Variants in IFRD1 observed in about 807,000 individuals in gnomAD.
IFRD1 encodes interferon related developmental regulator 1, also known as interferon-related developmental regulator 1.
Under a neutral mutation model 52.9 loss-of-function variants are expected in IFRD1, and 35 were observed. That is an observed-to-expected ratio of 0.66 (90% CI 0.51 to 0.88). The LOEUF (loss-of-function observed/expected upper bound fraction) is 0.88, where lower values mean the gene tolerates loss of function less well. IFRD1 is among the 40% of genes least tolerant of loss of function. The pLI is 0.00. For synonymous variants in IFRD1, 184 were observed against 188.4 expected (o/e 0.98, Z 0.19); for missense variants, 517 against 550.8 (o/e 0.94, Z 0.61).
chr7:112,451,134 C>A (rs1795152094), intron 1 of IFRD1: 1 of 245,038 alleles, frequency 4.1e-6, no homozygotes, highest in African/African-American at 2.3e-5. Flanking sequence ...TCTCCCCGAC[C>A]ACGGGTGGGG....
At chr7:112,459,286 T>G (rs932332576) in intron 5 of IFRD1, among the ~76,000 whole-genome samples, 4 of 152,230 alleles carry the variant, frequency 2.6e-5, no homozygotes, top group Non-Finnish European at 2.9e-5. Flanking sequence ...AAATTCTGAT[T>G]TGTGAAAGTC....
intron 1 of IFRD1, 133 bp downstream of exon 1, chr7:112,450,915 A>C: frequency 1.4e-6 from 1 of 716,296 alleles, no homozygotes; most frequent in Admixed American, 2.1e-5. Context: ...TGGTTTGGCT[A>C]CTGAACTACA....
upstream of IFRD1, among the ~76,000 whole-genome samples, chr7:112,449,269 G>C (rs1322754242): frequency 6.6e-6 from 1 of 152,138 alleles, no homozygotes; most frequent in Non-Finnish European, 1.5e-5. Flanking sequence ...CGGGTGGGGA[G>C]GGGGTGGTGC....
chr7:112,462,235 T>A lies in IFRD1; in HGVS notation c.798-35T>A, dbSNP rs761306523. 5 of 1,609,176 alleles carry A rather than the reference T, an allele frequency of 3.1e-6. No homozygotes were observed. The South Asian group carries it at 5.5e-5, about 18-fold the overall frequency. On this transcript the variant is annotated intron_variant, in intron 7 of 11. Coordinates refer to ENST00000403825, the MANE Select transcript of IFRD1 (RefSeq NM_001550.4). ...AGCAACATTTAGTGGACATAATTGG[T>A]TGTATTCACATAGTAATGACTAACT...
At chr7:112,428,638 A>T (rs931657244) in intron 1 of IFRD1, among the ~76,000 whole-genome samples, 1 of 152,176 alleles carries the variant, frequency 6.6e-6, no homozygotes, top group African/African-American at 2.4e-5. Flanking sequence ...TCATCTGCTT[A>T]TGAGGTGGCT....
intron 1 of IFRD1, chr7:112,452,019 A>G: frequency 3.1e-6 from 3 of 983,218 alleles, no homozygotes; most frequent in Non-Finnish European, 3.6e-6. Context: ...AGGGATTCTT[A>G]AAACAGCAAT....
intron 11 of IFRD1, 80 bp downstream of exon 11, chr7:112,472,941 C>G: frequency 1.1e-6 from 1 of 924,996 alleles, no homozygotes. Flanking sequence ...TTAGCTGTGT[C>G]TACCTATATG....
chr7:112,459,752 C>G (rs918445636), intron 5 of IFRD1, among the ~76,000 whole-genome samples: 3 of 152,138 alleles, frequency 2.0e-5, no homozygotes, highest in Non-Finnish European at 2.9e-5. Context: ...GCAGCTCTGC[C>G]CACCTCTAGG....
rs1016229504 is a variant in IFRD1 at position 112,468,008 on chromosome 7, T to A, written c.934T>A (p.Leu312Met). 1 of 1,613,972 alleles carries A rather than the reference T, an allele frequency of 6.2e-7. No individual in the cohort carries two copies. The highest frequency in any genetic ancestry group is 8.5e-7 in the Non-Finnish European group (1 of 1,179,966). ...CTTTTTTTATGAAGACATGGAGTCCTTGACGCAGATGCTTAGGGCCTTGGC... is the reference window on the plus strand; with the variant it reads ...CTTTTTTTATGAAGACATGGAGTCCATGACGCAGATGCTTAGGGCCTTGGC... Reference protein sequence around the residue: ...SDFFYEDMESLTQMLRALATD... With the variant: ...SDFFYEDMESMTQMLRALATD... Residue 312 changes from leucine (L) to methionine (M), a missense_variant, in exon 9 of 12, where the codon TTG (leucine) becomes ATG (methionine). Leu to Met is a conservative substitution (Grantham distance 15). Coordinates refer to ENST00000403825, the MANE Select transcript of IFRD1 (RefSeq NM_001550.4).
At chr7:112,449,911 T>C (rs536439277), upstream of IFRD1, 2 of 151,992 alleles carry the variant, frequency 1.3e-5, no homozygotes, top group Admixed American at 6.6e-5. Flanking sequence ...AAGTAGTTCA[T>C]GGAACTAGTT....
At chr7:112,475,339 ATTTCT>A in intron 11 of IFRD1, 86 bp from the exon 12 acceptor site, 2 of 743,366 alleles carry the variant, frequency 2.7e-6, no homozygotes, top group Non-Finnish European at 4.7e-6. Flanking sequence ...AAATTAGTTC[ATTTCT>A]TTTCTTTGTG....
At chr7:112,431,968 A>G (rs1287786958) in intron 1 of IFRD1, among the ~76,000 whole-genome samples, 3 of 152,230 alleles carry the variant, frequency 2.0e-5, no homozygotes, top group Non-Finnish European at 4.4e-5. Context: ...TACTAAACAA[A>G]CAAGTGATTC....
intron 1 of IFRD1, among the ~76,000 whole-genome samples, chr7:112,429,634 A>G (rs534812139): frequency 1.3e-5 from 2 of 152,328 alleles, no homozygotes; most frequent in African/African-American, 2.4e-5. Flanking sequence ...ATTTCTTCCC[A>G]TAATGTCCCG....
intron 1 of IFRD1, among the ~76,000 whole-genome samples, chr7:112,442,249 A>C (rs914868198): frequency 6.6e-6 from 1 of 152,246 alleles, no homozygotes; most frequent in Admixed American, 6.5e-5. Flanking sequence ...GGCTTAGTAA[A>C]TTTCTCCTGT....
intron 1 of IFRD1, among the ~76,000 whole-genome samples, chr7:112,435,287 C>T (rs1181944029): frequency 6.6e-6 from 1 of 152,140 alleles, no homozygotes; most frequent in Non-Finnish European, 1.5e-5. Flanking sequence ...TCATAGTGAC[C>T]ATCAAATTGT....
At chr7:112,459,184 A>G (rs528690885) in intron 5 of IFRD1, among the ~76,000 whole-genome samples, 166 bp downstream of exon 5, 39 of 152,196 alleles carry the variant, frequency 2.6e-4, no homozygotes, top group Non-Finnish European at 5.3e-4. Context: ...ACTGAACTGT[A>G]GCCTGGGAGA....
At position 112,477,045 on chromosome 7, in the gene IFRD1, C is replaced by T. The variant is rs1473963222; in HGVS notation, c.*1526C>T. On this transcript the variant is annotated 3_prime_UTR_variant, in exon 12 of 12. Transcript: ENST00000403825. ...TGGAAAACAGGTTTAGAATCTAGAA[C>T]TTGTTTGTATGTTGTCACTTGGTTA... The T allele has an allele frequency of 6.6e-6, 1 of 152,068 alleles. No individual in the cohort carries two copies. The highest frequency in any genetic ancestry group is 2.4e-5 in the African/African-American group (1 of 41,406). The allele number at this position is 152,068 out of a possible 1,614,324, so 9.4% of individuals were successfully genotyped here.
In IFRD1 at chr7:112,475,498, A is replaced by G. The variant is rs553532601; in HGVS notation, c.1335A>G (p.Ala445=). 2 of 1,605,230 alleles carry G rather than the reference A, an allele frequency of 1.2e-6. No homozygotes were observed. The highest frequency in any genetic ancestry group is 4.5e-5 in the East Asian group (2 of 44,780). The stretch of plus-strand genomic sequence containing the variant: ...GAAGCAAATGTCGAGATAAGAGAGC[A>G]GATGTTGGAGAATTCTTCTAGATTT... ...KARSKCRDKR[A]DVGEFF The change falls in exon 12 of 12, where the codon GCA becomes GCG. Residue 445 remains alanine (A), a synonymous_variant. Transcript: ENST00000403825.
intron 1 of IFRD1, among the ~76,000 whole-genome samples, chr7:112,451,445 C>T (rs1310300063): frequency 1.3e-5 from 2 of 152,068 alleles, no homozygotes; most frequent in Non-Finnish European, 2.9e-5. Flanking sequence ...TCTGCGACCA[C>T]CCGAGGCGAC....
Sources: allele counts gnomAD v4.1 joint callset (sites outside exome capture counted in the v4.1 genomes callset), GRCh38; gene constraint gnomAD v4.1.1; transcripts MANE v1.5; gene names NCBI Gene and HGNC (gene_info 2026-07-23, HGNC 2026-07-21).